EFL1: variants seen among roughly 807,000 people sequenced by gnomAD.
The protein encoded by EFL1 is elongation factor-like GTPase 1.
A neutral mutation model predicts 126.7 loss-of-function variants in EFL1; 76 were observed. The ratio of observed to expected loss-of-function variants is 0.60; its 90% CI spans 0.50 to 0.73. The LOEUF (loss-of-function observed/expected upper bound fraction) is 0.73, where lower values mean the gene tolerates loss of function less well. Ranked by LOEUF, EFL1 falls within the 30% of genes least tolerant of loss-of-function variation. The pLI is 0.00. For missense variants in EFL1, 1,128 were observed against 1,343.2 expected (o/e 0.84, Z 2.50); for synonymous variants, 410 against 448.4 (o/e 0.91, Z 1.08).
intron 18 of EFL1, among the ~76,000 whole-genome samples, chr15:82,150,931 C>A (rs549447544): frequency 1.3e-5 from 2 of 152,100 alleles, no homozygotes; most frequent in Non-Finnish European, 2.9e-5. Context: ...CCTCTCATTA[C>A]GGAAAGGATT....
chr15:82,182,748 C>T (rs2074264692), intron 15 of EFL1, among the ~76,000 whole-genome samples: 1 of 151,818 alleles, frequency 6.6e-6, no homozygotes, highest in Admixed American at 6.6e-5. Context: ...TGGCATGAAC[C>T]TGGGAGGCAG....
chr15:82,249,976 A>C (rs2075006856), intron 4 of EFL1, among the ~76,000 whole-genome samples: 1 of 152,122 alleles, frequency 6.6e-6, no homozygotes. Flanking sequence ...GAACCACAGA[A>C]AGGGCTTAAC....
chr15:82,222,926 G>A (rs766192591), intron 12 of EFL1, among the ~76,000 whole-genome samples: 6 of 152,144 alleles, frequency 3.9e-5, no homozygotes, highest in Non-Finnish European at 8.8e-5. Context: ...TGAATTTGAA[G>A]AAGCAAAGAA....
chr15:82,228,166 T>C (rs770688290), intron 10 of EFL1, 25 bp downstream of exon 10: 2 of 1,569,496 alleles, frequency 1.3e-6, no homozygotes, highest in Non-Finnish European at 1.7e-6. Flanking sequence ...ACTATTTCAT[T>C]AAAAACCATT....
intron 15 of EFL1, among the ~76,000 whole-genome samples, chr15:82,194,066 G>C (rs1292165539): frequency 6.6e-6 from 1 of 152,124 alleles, no homozygotes; most frequent in African/African-American, 2.4e-5. Flanking sequence ...AATTGAAGAA[G>C]ACTTTACTGA....
At chr15:82,196,890 G>T (rs556862967) in intron 15 of EFL1, among the ~76,000 whole-genome samples, 1 of 152,152 alleles carries the variant, frequency 6.6e-6, no homozygotes, top group Admixed American at 6.5e-5. Context: ...AAATTAGCCG[G>T]GCATGGTGGT....
At chr15:82,201,545 A>G (rs1204511389) in intron 15 of EFL1, among the ~76,000 whole-genome samples, 1 of 152,184 alleles carries the variant, frequency 6.6e-6, no homozygotes, top group African/African-American at 2.4e-5. Flanking sequence ...TTTCCTTGTA[A>G]ACGATATCTT....
chr15:82,219,560 T>C (rs2074685924), intron 14 of EFL1, 92 bp downstream of exon 14: 1 of 1,382,094 alleles, frequency 7.2e-7, no homozygotes, highest in Non-Finnish European at 9.8e-7. Context: ...AAACTAAATC[T>C]ACCAACAAGA....
intron 15 of EFL1, among the ~76,000 whole-genome samples, chr15:82,180,377 AAAAAAACAAAC>A (rs1567052931): frequency 0.065 from 9,474 of 146,634 alleles, 539 homozygotes; most frequent in African/African-American, 0.13. Flanking sequence ...AAAAAACAAA[AAAAAAACAAAC>A]AAAAAAAACC....
chr15:82,242,185 T>C (rs1455807568), intron 4 of EFL1, among the ~76,000 whole-genome samples: 2 of 152,198 alleles, frequency 1.3e-5, no homozygotes, highest in African/African-American at 4.8e-5. Flanking sequence ...TAGAATTCTG[T>C]ACTCATTCCC....
intron 8 of EFL1, among the ~76,000 whole-genome samples, chr15:82,230,348 G>A (rs2074807909): frequency 2.0e-5 from 3 of 152,052 alleles, no homozygotes; most frequent in Admixed American, 1.3e-4. Flanking sequence ...TATCCTTTGA[G>A]GGTATATGAC....
chr15:82,158,502 C>T (rs2073989992), intron 16 of EFL1, among the ~76,000 whole-genome samples: 1 of 152,182 alleles, frequency 6.6e-6, no homozygotes, highest in Non-Finnish European at 1.5e-5. Flanking sequence ...CCCCTTTCCA[C>T]ATACTCAACT....
intron 15 of EFL1, among the ~76,000 whole-genome samples, chr15:82,170,437 C>G (rs914164677): frequency 6.6e-6 from 1 of 152,148 alleles, no homozygotes; most frequent in Non-Finnish European, 1.5e-5. Flanking sequence ...AAGTGAGAAA[C>G]CAAGGTCATT....
At chr15:82,260,030 T>A (rs907216831) in intron 2 of EFL1, among the ~76,000 whole-genome samples, 2 of 152,168 alleles carry the variant, frequency 1.3e-5, no homozygotes, top group Admixed American at 6.5e-5. Context: ...AAAATAATTA[T>A]CAAGCAAGCA....
At chr15:82,228,980 T>C (rs1192119942) in intron 9 of EFL1, 54 bp downstream of exon 9, 1 of 1,444,440 alleles carries the variant, frequency 6.9e-7, no homozygotes, top group African/African-American at 1.4e-5. Context: ...AACTGGAAAG[T>C]GAGACAAATT....
intron 14 of EFL1, among the ~76,000 whole-genome samples, chr15:82,218,065 C>T (rs969878367): frequency 6.6e-6 from 1 of 152,134 alleles, no homozygotes; most frequent in African/African-American, 2.4e-5. Context: ...ATCAGTCAGT[C>T]CTCCAGATGA....
In EFL1 at chr15:82,138,796, T is replaced by C. The variant is rs753559426; in HGVS notation, c.3036A>G (p.Gln1012=). The C allele has an allele frequency of 1.2e-6, 2 of 1,613,954 alleles. No individual in the cohort carries two copies. The highest frequency in any genetic ancestry group is 1.7e-6 in the Non-Finnish European group (2 of 1,179,886). Residue 1012 remains glutamine (Q), a synonymous_variant, in exon 19 of 20, where the codon CAA becomes CAG. Transcript: ENST00000268206. ...TGTCTGTCCCTTCTTTCATTTCTTC[T>C]TGAAGTACCCGACCTTCTCTCTTTG... ...VLSKREGRVL[Q]EEMKEGTDMF...
At chr15:82,170,259 C>T (rs1440572730) in intron 15 of EFL1, among the ~76,000 whole-genome samples, 4 of 150,612 alleles carry the variant, frequency 2.7e-5, no homozygotes, top group African/African-American at 4.8e-5. Flanking sequence ...GGACTACAGG[C>T]GCCCGCCACT....
chr15:82,151,019 T>A (rs2073900729), intron 18 of EFL1, among the ~76,000 whole-genome samples: 1 of 152,180 alleles, frequency 6.6e-6, no homozygotes, highest in African/African-American at 2.4e-5. Flanking sequence ...GATATCTGGC[T>A]TTCAAAGATC....
Sources: gnomAD v4.1 joint callset for allele counts (sites outside exome capture counted in the v4.1 genomes callset) on GRCh38, gnomAD v4.1.1 for gene constraint, MANE v1.5 for transcripts, NCBI Gene and HGNC (gene_info 2026-07-23, HGNC 2026-07-21) for gene names.